Variants in LIFR observed in about 807,000 individuals in gnomAD.
LIFR encodes LIF receptor subunit alpha.
LIFR carries 84 observed loss-of-function variants against 122.2 expected under a neutral mutation model. The ratio of observed to expected loss-of-function variants is 0.69; its 90% CI spans 0.58 to 0.82. The LOEUF is 0.82. Ranked by LOEUF, LIFR falls within the 40% of genes least tolerant of loss-of-function variation. The pLI is 0.00. For synonymous variants in LIFR, 422 were observed against 434.7 expected (o/e 0.97, Z 0.36); for missense variants, 1,294 against 1,311.6 (o/e 0.99, Z 0.21).
intron 11 of LIFR, among the ~76,000 whole-genome samples, chr5:38,502,043 A>T (rs1745211387): frequency 6.6e-6 from 1 of 151,950 alleles, no homozygotes; most frequent in South Asian, 2.1e-4. Context: ...CAAGCAGAAA[A>T]GAATGGGAGA....
chr5:38,521,347 CA>C (rs1424321970), intron 5 of LIFR, among the ~76,000 whole-genome samples: 4 of 152,132 alleles, frequency 2.6e-5, no homozygotes, highest in African/African-American at 9.7e-5. Context: ...TTTCTAGATA[CA>C]AGATTATATC....
chr5:38,552,484 C>T (rs908004350), intron 1 of LIFR, among the ~76,000 whole-genome samples: 5 of 152,160 alleles, frequency 3.3e-5, no homozygotes, highest in African/African-American at 4.8e-5. Flanking sequence ...ATTAGTCTGT[C>T]ATCTGGCCCA....
intron 2 of LIFR, among the ~76,000 whole-genome samples, chr5:38,529,752 TG>T (rs1746900128): frequency 6.6e-6 from 1 of 152,204 alleles, no homozygotes; most frequent in Non-Finnish European, 1.5e-5. Flanking sequence ...AAAATGTTTT[TG>T]TTTTTGTACA....
chr5:38,565,387 A>G (rs986380231), intron 1 of LIFR, among the ~76,000 whole-genome samples: 2 of 152,148 alleles, frequency 1.3e-5, no homozygotes, highest in African/African-American at 4.8e-5. Context: ...AATTTAGGCA[A>G]AAAGGGAAGG....
Position 38,527,285 on chromosome 5 carries a change from A to G in LIFR, c.267T>C (p.Ser89=). The change falls in exon 4 of 20, where the codon TCT becomes TCC. Residue 89 remains serine, a synonymous_variant. Coordinates refer to ENST00000453190, the MANE Select transcript of LIFR (RefSeq NM_001127671.2). ...YEVCIENRSR[S]CYQLEKTSIK... is the part of the protein sequence containing the mutation. ...TACTGGTTTTCTCCAACTGATAACA[A>G]GAACGGGACCTGTAATAAGAAATTG... The G allele has an allele frequency of 6.3e-7, 1 of 1,578,608 alleles. No homozygotes were observed. The highest frequency in any genetic ancestry group is 8.7e-7 in the Non-Finnish European group (1 of 1,148,722).
At chr5:38,499,321 A>C (rs560095552) in intron 12 of LIFR, among the ~76,000 whole-genome samples, 192 bp downstream of exon 12, 1 of 152,270 alleles carries the variant, frequency 6.6e-6, no homozygotes, top group Admixed American at 6.5e-5. Flanking sequence ...GACACAGGAG[A>C]TCCTCAAATG....
rs1307495949 is a variant in LIFR, at chr5:38,475,998, CACATAACACCT to C, written c.*5586_*5596del. On this transcript the variant is annotated 3_prime_UTR_variant, in exon 20 of 20. Coordinates refer to ENST00000453190, the MANE Select transcript of LIFR (RefSeq NM_001127671.2). ...AACAAACGCCAGGAAGGGCATCAAT[CACATAACACCT>C]ACCCCTCCACAACAATGAAAGGTTT... 1 of 199,414 alleles carries C rather than the reference CACATAACACCT, an allele frequency of 5.0e-6. No homozygotes were observed. Among genetic ancestry groups the C allele is most frequent in the Non-Finnish European group, 1.0e-5 (1 of 96,484 alleles). The allele number at this position is 199,414 out of a possible 1,614,324, so 12.4% of individuals were successfully genotyped here. A position where few individuals can be genotyped will look rare whatever the true frequency, so the allele number is the denominator to read the frequency against.
rs1243202901 is a variant in LIFR at position 38,528,800 on chromosome 5, T to G, written c.183A>C (p.Gln61His). ...HDLKCVTNNL[Q>H]VWNCSWKAPS... is the part of the protein sequence containing the mutation. ...GTGCTTTCCAAGAACAGTTCCACAC[T>G]TGCAAATTGTTAGTTACACACTTCA... Residue 61 changes from glutamine to histidine, a missense_variant, in exon 3 of 20, where the codon CAA (glutamine) becomes CAC (histidine). Transcript: ENST00000453190. 5.0e-6 allele frequency: 8 copies of G among 1,587,464 alleles called. No individual in the cohort carries two copies. Among genetic ancestry groups the G allele is most frequent in the Non-Finnish European group, 6.9e-6 (8 of 1,164,998 alleles).
At chr5:38,592,715 T>G (rs139919576) in intron 1 of LIFR, among the ~76,000 whole-genome samples, 166 of 152,226 alleles carry the variant, frequency 1.1e-3, no homozygotes, top group African/African-American at 3.1e-3. Context: ...TTTTTTCTAT[T>G]TTTTTAGAAA....
In LIFR at chr5:38,502,718, A is replaced by G. The variant is rs774812432; in HGVS notation, c.1519T>C (p.Phe507Leu). ...DKLNPYTLYTFRIRCSTETFW... is the reference protein window; with the variant it reads ...DKLNPYTLYTLRIRCSTETFW... ...GTTTCAGTAGAACAACGAATCCGAA[A>G]AGTATATAGAGTGTATGGATTTAAC... Residue 507 changes from phenylalanine (F) to leucine (L), a missense_variant, in exon 11 of 20, where the codon TTT becomes CTT. Coordinates refer to ENST00000453190, the MANE Select transcript of LIFR (RefSeq NM_001127671.2). 5.0e-6 allele frequency: 8 copies of G among 1,611,786 alleles called. No individual in the cohort carries two copies. The highest frequency in any genetic ancestry group is 6.8e-6 in the Non-Finnish European group (8 of 1,177,918).
chr5:38,547,451 A>G (rs1747956817), intron 1 of LIFR, among the ~76,000 whole-genome samples: 1 of 152,212 alleles, frequency 6.6e-6, no homozygotes, highest in East Asian at 1.9e-4. Flanking sequence ...TGAATTCTAC[A>G]CAGGAACATG....
At chr5:38,502,579 G>A in intron 11 of LIFR, 58 bp downstream of exon 11, 1 of 1,429,776 alleles carries the variant, frequency 7.0e-7, no homozygotes, top group Non-Finnish European at 9.9e-7. Flanking sequence ...TTTTAAAGAA[G>A]TTGTAAAACT....
intron 1 of LIFR, among the ~76,000 whole-genome samples, chr5:38,555,718 G>C (rs1748487204): frequency 1.3e-5 from 2 of 150,546 alleles, no homozygotes; most frequent in African/African-American, 4.9e-5. Context: ...AATGTGGGGG[G>C]TGGGGGGCAA....
chr5:38,490,462 T>C (rs901255295), intron 14 of LIFR, among the ~76,000 whole-genome samples, 171 bp from the exon 15 acceptor site: 3 of 152,184 alleles, frequency 2.0e-5, no homozygotes, highest in East Asian at 3.9e-4. Flanking sequence ...CAAAAGAAAA[T>C]TGACTAAACA....
At chr5:38,536,370 G>C (rs139358495) in intron 1 of LIFR, among the ~76,000 whole-genome samples, 1 of 151,716 alleles carries the variant, frequency 6.6e-6, no homozygotes, top group Admixed American at 6.6e-5. Flanking sequence ...AAAAAGTACC[G>C]TTTAACAACT....
chr5:38,570,934 T>C (rs912895060), intron 1 of LIFR, among the ~76,000 whole-genome samples: 4 of 152,252 alleles, frequency 2.6e-5, no homozygotes, highest in African/African-American at 9.6e-5. Flanking sequence ...TAATTATTCA[T>C]TCGTTTGTGT....
At chr5:38,515,875 T>C (rs1170682126) in intron 5 of LIFR, among the ~76,000 whole-genome samples, 2 of 152,092 alleles carry the variant, frequency 1.3e-5, no homozygotes, top group Non-Finnish European at 2.9e-5. Flanking sequence ...GACAAGTGCC[T>C]CACAAATGAA....
At chr5:38,505,049 G>A (rs1314519085) in intron 9 of LIFR, among the ~76,000 whole-genome samples, 1 of 151,950 alleles carries the variant, frequency 6.6e-6, no homozygotes, top group Non-Finnish European at 1.5e-5. Flanking sequence ...AAAAGACCAA[G>A]CACATTTTAT....
upstream of LIFR, chr5:38,556,983 C>A (rs955722593): frequency 1.3e-5 from 2 of 152,206 alleles, no homozygotes; most frequent in Admixed American, 6.5e-5. Context: ...GGGAGGACCG[C>A]GCCTCCCCGA....
Sources: gnomAD v4.1 joint callset for allele counts (sites outside exome capture counted in the v4.1 genomes callset) on GRCh38, gnomAD v4.1.1 for gene constraint, MANE v1.5 for transcripts, NCBI Gene and HGNC (gene_info 2026-07-23, HGNC 2026-07-21) for gene names.